CTNNA3: variants seen among roughly 807,000 people sequenced by gnomAD.
The protein encoded by CTNNA3 is catenin alpha 3, also known as catenin alpha-3.
A neutral mutation model predicts 95.7 loss-of-function variants in CTNNA3; 76 were observed. The ratio of observed to expected loss-of-function variants is 0.79; its 90% CI spans 0.66 to 0.96. The LOEUF (loss-of-function observed/expected upper bound fraction) is 0.96. CTNNA3 is among the 40% of genes least tolerant of loss of function. The pLI is 0.00. For synonymous variants in CTNNA3, 431 were observed against 374.4 expected, an observed-to-expected ratio of 1.15 and a Z score of -1.74; for missense variants, 1,191 against 1,089.8, an observed-to-expected ratio of 1.09 and a Z score of -1.31.
chr10:67,145,997 T>C (rs897108302), intron 7 of CTNNA3, among the ~76,000 whole-genome samples: 7 of 152,134 alleles, frequency 4.6e-5, no homozygotes, highest in Admixed American at 4.6e-4. Flanking sequence ...ATTTCAATTG[T>C]TGTCAGGTGT....
chr10:67,633,705 AC>A (rs1839218204), intron 2 of CTNNA3, among the ~76,000 whole-genome samples: 1 of 152,048 alleles, frequency 6.6e-6, no homozygotes, highest in Non-Finnish European at 1.5e-5. Flanking sequence ...AACAAAAAAG[AC>A]CCCATAAAAA....
At chr10:66,483,125 G>A (rs1839599533) in intron 11 of CTNNA3, among the ~76,000 whole-genome samples, 1 of 152,126 alleles carries the variant, frequency 6.6e-6, no homozygotes, top group Non-Finnish European at 1.5e-5. Context: ...AGACTTGATG[G>A]TTATTCTAAT....
At chr10:66,675,138 ACTGT>A (rs1468156066) in intron 9 of CTNNA3, among the ~76,000 whole-genome samples, 1 of 151,258 alleles carries the variant, frequency 6.6e-6, no homozygotes, top group Non-Finnish European at 1.5e-5. Context: ...TGCTGGAAAG[ACTGT>A]CTACTTGCCT....
chr10:66,359,830 ATTT>A (rs10606849), intron 12 of CTNNA3, among the ~76,000 whole-genome samples: 119 of 143,750 alleles, frequency 8.3e-4, no homozygotes, highest in Admixed American at 9.6e-4. Flanking sequence ...TCATCTTACT[ATTT>A]TTTTTTTTTT....
At chr10:66,552,503 CA>C (rs1226759914) in intron 10 of CTNNA3, among the ~76,000 whole-genome samples, 1 of 152,042 alleles carries the variant, frequency 6.6e-6, no homozygotes, top group African/African-American at 2.4e-5. Flanking sequence ...TCTGCTTTTC[CA>C]ATTAAAGTCA....
chr10:66,403,177 G>T (rs1196237928), intron 11 of CTNNA3, among the ~76,000 whole-genome samples: 2 of 152,062 alleles, frequency 1.3e-5, no homozygotes, highest in African/African-American at 4.8e-5. Flanking sequence ...CTTGCCTTTA[G>T]ACAACCTTGT....
At chr10:67,354,068 G>C (rs1040872574) in intron 5 of CTNNA3, among the ~76,000 whole-genome samples, 2 of 151,998 alleles carry the variant, frequency 1.3e-5, no homozygotes, top group Admixed American at 6.6e-5. Context: ...TTGGCACAAG[G>C]CTAGCTTTCT....
At chr10:66,852,356 T>C (rs1242921010) in intron 7 of CTNNA3, among the ~76,000 whole-genome samples, 1 of 152,142 alleles carries the variant, frequency 6.6e-6, no homozygotes, top group Non-Finnish European at 1.5e-5. Flanking sequence ...TATACAAATA[T>C]TTGTTATTAG....
intron 11 of CTNNA3, among the ~76,000 whole-genome samples, chr10:66,384,574 C>T (rs1204246321): frequency 6.6e-6 from 1 of 152,200 alleles, no homozygotes; most frequent in African/African-American, 2.4e-5. Context: ...CTGAACTCAG[C>T]TCTGCAACAG....
At chr10:67,687,963 C>A (rs1840766118) in intron 1 of CTNNA3, among the ~76,000 whole-genome samples, 1 of 152,154 alleles carries the variant, frequency 6.6e-6, no homozygotes, top group Non-Finnish European at 1.5e-5. Flanking sequence ...AGGGAATTTG[C>A]CCCTTTCTTC....
chr10:66,025,749 T>C (rs576549646), intron 15 of CTNNA3, among the ~76,000 whole-genome samples: 3 of 152,266 alleles, frequency 2.0e-5, no homozygotes, highest in East Asian at 1.9e-4. Flanking sequence ...ATGAGATATA[T>C]CAAGCCCTAC....
At chr10:66,877,398 T>C (rs907790258) in intron 7 of CTNNA3, among the ~76,000 whole-genome samples, 2 of 152,182 alleles carry the variant, frequency 1.3e-5, no homozygotes, top group African/African-American at 4.8e-5. Context: ...ACCTGAATTA[T>C]ATTTTCTTGA....
intron 3 of CTNNA3, among the ~76,000 whole-genome samples, chr10:67,557,426 C>A (rs1259178140): frequency 6.6e-6 from 1 of 152,128 alleles, no homozygotes; most frequent in African/African-American, 2.4e-5. Flanking sequence ...TATCTCTATG[C>A]TCACTAAGCA....
At position 66,360,829 on chromosome 10, in the gene CTNNA3, C is replaced by CCT. The variant is rs1554944675; in HGVS notation, c.1732+18322_1732+18323insAG. On this transcript the variant is annotated intron_variant, in intron 12 of 17. Transcript: ENST00000433211. ...CCTTCCTTCCTTCCTTTCTTTCTTTCTTTCTTTCTTTCTTTCTTTCTTTCT... is the reference window on the plus strand; with the variant it reads ...CCTTCCTTCCTTCCTTTCTTTCTTTCCTTTTCTTTCTTTCTTTCTTTCTTTCT... Among the ~76,000 whole-genome samples the CCT allele has an allele frequency of 1.5e-4, 11 of 71,808 alleles. 1 individual carries two copies. Among genetic ancestry groups the CCT allele is most frequent in the African/African-American group, 6.4e-4 (9 of 14,072 alleles). 47.1% of individuals were successfully genotyped at this position (71,808 alleles called of 152,430 possible).
At chr10:67,153,642 A>AT (rs1178416242) in intron 7 of CTNNA3, among the ~76,000 whole-genome samples, 1 of 152,188 alleles carries the variant, frequency 6.6e-6, no homozygotes, top group African/African-American at 2.4e-5. Flanking sequence ...ATTAGTGTGA[A>AT]TTTAGAGTAG....
intron 3 of CTNNA3, among the ~76,000 whole-genome samples, chr10:67,600,741 G>A (rs1843058632): frequency 6.6e-6 from 1 of 152,120 alleles, no homozygotes; most frequent in Non-Finnish European, 1.5e-5. Context: ...TTAATGCACT[G>A]AAAGTAATAC....
chr10:67,002,114 A>T (rs894706454), intron 7 of CTNNA3, among the ~76,000 whole-genome samples: 72 of 152,282 alleles, frequency 4.7e-4, no homozygotes, highest in African/African-American at 1.7e-3. Context: ...CGTTGGATTC[A>T]ATGATCTCTA....
At chr10:66,499,200 T>C (rs1396848452) in intron 11 of CTNNA3, among the ~76,000 whole-genome samples, 2 of 152,202 alleles carry the variant, frequency 1.3e-5, no homozygotes, top group African/African-American at 4.8e-5. Flanking sequence ...AAGAGCCTCA[T>C]TTGCCACCAA....
At chr10:66,985,071 G>A (rs183242440) in intron 7 of CTNNA3, among the ~76,000 whole-genome samples, 22 of 152,044 alleles carry the variant, frequency 1.4e-4, no homozygotes, top group Non-Finnish European at 2.5e-4. Flanking sequence ...AGATTTTTCC[G>A]TTGTCTAGAA....
Sources: gnomAD v4.1 joint callset for allele counts (sites outside exome capture counted in the v4.1 genomes callset) on GRCh38, gnomAD v4.1.1 for gene constraint, MANE v1.5 for transcripts, NCBI Gene and HGNC (gene_info 2026-07-23, HGNC 2026-07-21) for gene names.